GLIS3: variants seen among roughly 807,000 people sequenced by gnomAD.
GLIS3 encodes GLIS family zinc finger 3.
GLIS3 carries 53 observed loss-of-function variants against 78.6 expected under a neutral mutation model. The ratio of observed to expected loss-of-function variants is 0.67; its 90% CI spans 0.54 to 0.85. The LOEUF is 0.85. GLIS3 is among the 40% of genes least tolerant of loss of function. The pLI is 0.00. For synonymous variants in GLIS3, 684 were observed against 509.9 expected, an observed-to-expected ratio of 1.34 and a Z score of -4.60; for missense variants, 1,703 against 1,231.1, an observed-to-expected ratio of 1.38 and a Z score of -5.74.
chr9:4,069,742 G>A (rs1312700847), intron 4 of GLIS3, among the ~76,000 whole-genome samples: 1 of 152,048 alleles, frequency 6.6e-6, no homozygotes, highest in African/African-American at 2.4e-5. Context: ...TTAGTCAAGA[G>A]CCTTTTACAG....
rs996533213 is a variant in GLIS3, at chr9:4,073,303, G to A, written c.1710+44465C>T. The stretch of plus-strand genomic sequence containing the variant: ...TCCAAGTAGTGCGTCTCAAACCTCA[G>A]TGCACAATCAAATCACCTGGGGATT... On this transcript the variant is annotated intron_variant, in intron 4 of 10. Transcript: ENST00000381971. Among the ~76,000 whole-genome samples the A allele has an allele frequency of 2.0e-5, 3 of 152,168 alleles. No homozygotes were observed. In the East Asian group the frequency reaches 5.8e-4, roughly 29 times the overall value.
chr9:4,182,807 T>C (rs1817449108), intron 2 of GLIS3, among the ~76,000 whole-genome samples: 1 of 152,214 alleles, frequency 6.6e-6, no homozygotes, highest in Non-Finnish European at 1.5e-5. Context: ...TGATGACAAC[T>C]GCTACCATTT....
Position 4,117,986 on chromosome 9 carries a change from C to G in GLIS3, c.1492G>C (p.Gly498Arg). 1 of 1,612,174 alleles carries G rather than the reference C, an allele frequency of 6.2e-7. No individual in the cohort carries two copies. The highest frequency in any genetic ancestry group is 8.5e-7 in the Non-Finnish European group (1 of 1,179,372). The change falls in exon 4 of 11, where the codon GGC (glycine) becomes CGC (arginine). Residue 498 changes from glycine (G) to arginine (R), a missense_variant. By Grantham distance (125) the Gly-to-Arg change is moderately radical. Coordinates refer to ENST00000381971, the MANE Select transcript of GLIS3 (RefSeq NM_001042413.2). ...DDDGEMDGIGGKHCCRWIDCS... is the reference protein window; with the variant it reads ...DDDGEMDGIGRKHCCRWIDCS... ...TCGATCCAGCGGCAGCAATGCTTGC[C>G]CCCGATGCCGTCCATCTCCCCGTCG...
chr9:4,416,205 T>A, the GLIS3 span, among the ~76,000 whole-genome samples: 6 of 129,648 alleles, frequency 4.6e-5, no homozygotes, highest in South Asian at 9.7e-4. Context: ...TGAGCTGAGA[T>A]TGAGCCACTG....
chr9:4,058,988 AAAAAAAAAAAAAG>A (rs1041091951), intron 4 of GLIS3, among the ~76,000 whole-genome samples: 1 of 137,970 alleles, frequency 7.2e-6, no homozygotes, highest in African/African-American at 2.9e-5. Context: ...TCTCAAAAAC[AAAAAAAAAAAAAG>A]AAAAAAAGAA....
intron 4 of GLIS3, among the ~76,000 whole-genome samples, chr9:3,979,059 C>T (rs1819027452): frequency 6.6e-6 from 1 of 152,160 alleles, no homozygotes; most frequent in South Asian, 2.1e-4. Flanking sequence ...TTGGTATCCT[C>T]ATGGGGTCCT....
rs138819243 is a variant in GLIS3 at position 4,118,523 on chromosome 9, T to C, written c.955A>G (p.Ile319Val). The stretch of plus-strand genomic sequence containing the variant: ...AAGGACGTGGGCGACGTGCGGATGA[T>C]GGTATTGAAATCTATCCCGATGCCA... ...SDGIGIDFNTIIRTSPTSLVA... is the reference protein window; with the variant it reads ...SDGIGIDFNTVIRTSPTSLVA... Residue 319 changes from isoleucine (I) to valine (V), a missense_variant, in exon 4 of 11, where the codon ATC becomes GTC. By Grantham distance (29) the Ile-to-Val change is conservative. Coordinates refer to ENST00000381971, the MANE Select transcript of GLIS3 (RefSeq NM_001042413.2). This position sits in a 1 kb window ranked among gnomAD's most constrained non-coding sequence, Gnocchi z 4.7. 2.5e-6 allele frequency: 4 copies of C among 1,614,010 alleles called. No individual in the cohort carries two copies. Among genetic ancestry groups the C allele is most frequent in the Non-Finnish European group, 2.5e-6 (3 of 1,180,008 alleles).
intron 2 of GLIS3, among the ~76,000 whole-genome samples, chr9:4,197,275 C>G (rs1358570918): frequency 6.6e-6 from 1 of 152,198 alleles, no homozygotes; most frequent in Non-Finnish European, 1.5e-5. Context: ...GCCCTCTCCA[C>G]TCCATGACTA....
rs141417434 is a variant in GLIS3 at position 3,856,059 on chromosome 9, T to A, written c.2423A>T (p.Tyr808Phe). ...AAAAGAAGAGTTTGTTTCTGGCTGA[T>A]AGGACTTCAGGTGTGAACCTGATGG... ...QQPSGSHLKS[Y>F]QPETNSSFQP... Residue 808 changes from tyrosine (Y) to phenylalanine (F), a missense_variant, in exon 9 of 11, where the codon TAT (tyrosine) becomes TTT (phenylalanine). Physicochemically the swap from Tyr to Phe is conservative, Grantham distance 22. Transcript: ENST00000381971. The A allele has an allele frequency of 6.2e-7, 1 of 1,614,230 alleles. No individual in the cohort carries two copies. Among genetic ancestry groups the A allele is most frequent in the Non-Finnish European group, 8.5e-7 (1 of 1,180,010 alleles).
At chr9:3,908,725 T>TTG (rs2130668870) in intron 6 of GLIS3, among the ~76,000 whole-genome samples, 1 of 146,034 alleles carries the variant, frequency 6.8e-6, no homozygotes, top group Non-Finnish European at 1.5e-5. Context: ...TTTTTTTTTT[T>TTG]TTTGTACAGG....
chr9:4,089,894 C>A (rs942356342), intron 4 of GLIS3, among the ~76,000 whole-genome samples: 1 of 152,156 alleles, frequency 6.6e-6, no homozygotes, highest in Non-Finnish European at 1.5e-5. Flanking sequence ...GGGAAAAATC[C>A]ACATTTCCGG....
intron 4 of GLIS3, among the ~76,000 whole-genome samples, chr9:4,050,739 G>A (rs1048091698): frequency 6.6e-6 from 1 of 152,094 alleles, no homozygotes; most frequent in Non-Finnish European, 1.5e-5. Context: ...TGATCTTTCA[G>A]TACTAACTTT....
the GLIS3 span, among the ~76,000 whole-genome samples, chr9:4,488,100 G>A: frequency 1.6e-4 from 14 of 86,016 alleles, no homozygotes; most frequent in African/African-American, 5.0e-4. Flanking sequence ...GTTTTATTTC[G>A]TCTGTTTGTT....
Position 3,891,122 on chromosome 9 carries a change from G to A in GLIS3, c.2128+7569C>T, listed in dbSNP as rs146528073. ...AGGAGGAAGAGGAGGAGGAGGAAAA[G>A]GTAGGTAATTGGTAATCTGTGGCAT... On this transcript the variant is annotated intron_variant, in intron 7 of 10. Coordinates refer to ENST00000381971, the MANE Select transcript of GLIS3 (RefSeq NM_001042413.2). 1.9e-3 allele frequency among the ~76,000 whole-genome samples: 289 copies of A among 149,638 alleles called. 3 individuals are homozygous for A. Among genetic ancestry groups the A allele is most frequent in the African/African-American group, 6.9e-3 (281 of 40,710 alleles).
At chr9:4,046,254 G>T (rs1825239588) in intron 4 of GLIS3, among the ~76,000 whole-genome samples, 2 of 152,250 alleles carry the variant, frequency 1.3e-5, no homozygotes, top group South Asian at 4.1e-4. Context: ...TTCTTGACCT[G>T]CCCAGTTGAA....
intron 2 of GLIS3, among the ~76,000 whole-genome samples, chr9:4,277,141 C>T (rs1368449990): frequency 6.6e-6 from 1 of 152,222 alleles, no homozygotes; most frequent in Non-Finnish European, 1.5e-5. Flanking sequence ...TCTAACATGG[C>T]TGCATTCAAC....
At chr9:4,447,985 T>C in the GLIS3 span, among the ~76,000 whole-genome samples, 1 of 152,194 alleles carries the variant, frequency 6.6e-6, no homozygotes, top group Admixed American at 6.5e-5. Flanking sequence ...CTCTTGGGTT[T>C]AAGCAGTCCT....
At chr9:4,393,978 C>T in the GLIS3 span, among the ~76,000 whole-genome samples, 6 of 151,924 alleles carry the variant, frequency 3.9e-5, no homozygotes, top group African/African-American at 7.3e-5. Flanking sequence ...ACTGCCAAAA[C>T]TGAAACAGAA....
the GLIS3 span, among the ~76,000 whole-genome samples, chr9:4,475,694 G>C: frequency 3.3e-5 from 5 of 152,258 alleles, no homozygotes; most frequent in South Asian, 1.0e-3. Context: ...GAAAAAAGGA[G>C]GCACAGAACA....
Sources: gnomAD v4.1 joint callset for allele counts (sites outside exome capture counted in the v4.1 genomes callset) on GRCh38, gnomAD v4.1.1 for gene constraint, Gnocchi (gnomAD v3.1) non-coding constraint, MANE v1.5 for transcripts, NCBI Gene and HGNC (gene_info 2026-07-23, HGNC 2026-07-21) for gene names.